INPP4B: variants seen among roughly 807,000 people sequenced by gnomAD.
INPP4B encodes the protein inositol polyphosphate-4-phosphatase type II B, also known as inositol polyphosphate 4-phosphatase type II.
In INPP4B, 55 loss-of-function variants were observed where a neutral mutation model predicts 122.5. The observed-to-expected ratio is 0.45, with a 90% CI of 0.36 to 0.56. INPP4B has a LOEUF of 0.56. Among genes scored for constraint, INPP4B ranks in the 20% least tolerant of loss-of-function variants. INPP4B has a pLI of 0.00. For synonymous variants in INPP4B, 403 were observed against 388.7 expected (o/e 1.04, Z -0.43); for missense variants, 1,000 against 1,097.7 (o/e 0.91, Z 1.26).
At chr4:142,631,253 T>C (rs1747886566) in intron 2 of INPP4B, among the ~76,000 whole-genome samples, 1 of 151,972 alleles carries the variant, frequency 6.6e-6, no homozygotes, top group Non-Finnish European at 1.5e-5. Flanking sequence ...CCATAAGAAA[T>C]GGTGACACGA....
At chr4:142,086,549 T>A (rs1228836490) in intron 23 of INPP4B, among the ~76,000 whole-genome samples, 1 of 152,142 alleles carries the variant, frequency 6.6e-6, no homozygotes, top group East Asian at 1.9e-4. Context: ...AGACAGGGTT[T>A]GGCCATTGTC....
chr4:142,661,723 G>T (rs1232788348), intron 2 of INPP4B, among the ~76,000 whole-genome samples: 1 of 152,146 alleles, frequency 6.6e-6, no homozygotes, highest in Non-Finnish European at 1.5e-5. Context: ...CAGATATAGT[G>T]CACTACAGCT....
rs1241518642 is a variant in INPP4B at position 142,027,935 on chromosome 4, T to C, written c.*847A>G. ...TGACTGCTAAGAAACATCTCAGAGA[T>C]ACCTCACTGACATTCATGAACTTCA... On this transcript the variant is annotated 3_prime_UTR_variant, in exon 26 of 26. Coordinates refer to ENST00000262992, the MANE Select transcript of INPP4B (RefSeq NM_001101669.3). The C allele has an allele frequency of 1.1e-5, 2 of 185,192 alleles. No homozygotes were observed. Among genetic ancestry groups the C allele is most frequent in the Admixed American group, 6.2e-5 (1 of 16,034 alleles). 11.5% of individuals were successfully genotyped at this position (185,192 alleles called of 1,614,324 possible). A position where few individuals can be genotyped will look rare whatever the true frequency, so the allele number is the denominator to read the frequency against.
At chr4:142,132,993 C>T (rs1802075716) in intron 18 of INPP4B, among the ~76,000 whole-genome samples, 1 of 152,178 alleles carries the variant, frequency 6.6e-6, no homozygotes, top group African/African-American at 2.4e-5. Flanking sequence ...ATCCGTACTG[C>T]TAAATCCAAA....
intron 5 of INPP4B, among the ~76,000 whole-genome samples, chr4:142,411,081 A>C (rs1804504080): frequency 6.6e-6 from 1 of 152,212 alleles, no homozygotes; most frequent in African/African-American, 2.4e-5. Context: ...GCTTTCTGTG[A>C]AATCAGATGT....
chr4:142,271,562 C>G (rs1385076514), intron 9 of INPP4B, among the ~76,000 whole-genome samples: 1 of 152,188 alleles, frequency 6.6e-6, no homozygotes, highest in Non-Finnish European at 1.5e-5. Flanking sequence ...TGCCTTTTCT[C>G]TAACATTTTT....
At chr4:142,157,594 C>T (rs1313753598) in intron 17 of INPP4B, among the ~76,000 whole-genome samples, 1 of 152,072 alleles carries the variant, frequency 6.6e-6, no homozygotes, top group East Asian at 1.9e-4. Context: ...ATTGCCCAAT[C>T]CTTTTGCCTT....
At chr4:142,625,261 G>C (rs931443356) in intron 2 of INPP4B, among the ~76,000 whole-genome samples, 3 of 152,020 alleles carry the variant, frequency 2.0e-5, no homozygotes, top group African/African-American at 7.2e-5. Context: ...ATCTCCTTAA[G>C]CTGATAAGCA....
At chr4:142,661,771 T>C (rs1017527) in intron 2 of INPP4B, among the ~76,000 whole-genome samples, 130,233 of 152,234 alleles carry the variant, frequency 0.86, 55,769 homozygotes, top group African/African-American at 0.9. Context: ...TTTTCTTCAC[T>C]TTAAGTTACA....
intron 1 of INPP4B, among the ~76,000 whole-genome samples, chr4:142,830,411 CTA>C (rs1172110873): frequency 1.3e-5 from 2 of 152,014 alleles, no homozygotes; most frequent in African/African-American, 4.8e-5. Context: ...AGAGTCCAGA[CTA>C]TAATGAAATG....
chr4:142,160,256 T>A, intron 17 of INPP4B, 102 bp downstream of exon 17: 7 of 861,738 alleles, frequency 8.1e-6, no homozygotes, highest in South Asian at 4.1e-5. Flanking sequence ...GTGTTATAAC[T>A]TTTTTTCCAT....
In INPP4B at chr4:142,032,661, C is replaced by T. The variant is rs761948813; in HGVS notation, c.2643-3747G>A. Among the ~76,000 whole-genome samples the T allele has an allele frequency of 4.6e-5, 7 of 152,156 alleles. No homozygotes were observed. The South Asian group carries it at 6.2e-4, about 14-fold the overall frequency. On this transcript the variant is annotated intron_variant, in intron 25 of 25. Coordinates refer to ENST00000262992, the MANE Select transcript of INPP4B (RefSeq NM_001101669.3). ...AGCACAGACTCCGGAGTCAGACCAGCTGTTTCAAGCTTGGTTCTGCCACTT... is the reference window on the plus strand; with the variant it reads ...AGCACAGACTCCGGAGTCAGACCAGTTGTTTCAAGCTTGGTTCTGCCACTT...
chr4:142,665,220 C>T (rs543895313), intron 2 of INPP4B, among the ~76,000 whole-genome samples: 4 of 152,278 alleles, frequency 2.6e-5, no homozygotes, highest in Admixed American at 6.5e-5. Context: ...CGGCCAGGCA[C>T]GGTGGCTCAC....
At chr4:142,312,078 T>C (rs748842926) in intron 8 of INPP4B, among the ~76,000 whole-genome samples, 7 of 152,234 alleles carry the variant, frequency 4.6e-5, no homozygotes, top group Non-Finnish European at 7.3e-5. Context: ...AATAGGCATG[T>C]CACAGGATAC....
At chr4:142,350,134 T>C (rs1229051940) in intron 7 of INPP4B, among the ~76,000 whole-genome samples, 5 of 152,012 alleles carry the variant, frequency 3.3e-5, no homozygotes. Flanking sequence ...ACTTGAATTG[T>C]ATGTTGCTTT....
At chr4:142,082,565 C>CAAA (rs1774504403) in intron 24 of INPP4B, among the ~76,000 whole-genome samples, 2 of 152,230 alleles carry the variant, frequency 1.3e-5, no homozygotes, top group East Asian at 1.9e-4. Context: ...AAACAAACAA[C>CAAA]CAACCAAAAA....
chr4:142,799,140 A>G (rs114831478), intron 1 of INPP4B, among the ~76,000 whole-genome samples: 82 of 152,038 alleles, frequency 5.4e-4, no homozygotes, highest in Non-Finnish European at 6.5e-4. Context: ...GGAATTCTTA[A>G]ATTCAATCTC....
At position 142,028,870 on chromosome 4, in the gene INPP4B, C is replaced by T. The variant is rs745719080; in HGVS notation, c.2687G>A (p.Arg896Lys). 1.5e-5 allele frequency: 25 copies of T among 1,613,436 alleles called. No individual in the cohort carries two copies. Among genetic ancestry groups the T allele is most frequent in the Admixed American group, 3.3e-5 (2 of 59,952 alleles). ...IENVLKNIKC[R>K]KYAFNMLQLM... is the part of the protein sequence containing the mutation. ...CTGTAGCATGTTGAAAGCATACTTT[C>T]TGCATTTGATATTCTTCAGTACATT... The change falls in exon 26 of 26, where the codon AGA becomes AAA. Residue 896 changes from arginine to lysine, a missense_variant. By Grantham distance (26) the Arg-to-Lys change is conservative. Coordinates refer to ENST00000262992, the MANE Select transcript of INPP4B (RefSeq NM_001101669.3).
intron 1 of INPP4B, among the ~76,000 whole-genome samples, chr4:142,750,996 G>C (rs1395767409): frequency 6.6e-6 from 1 of 151,978 alleles, no homozygotes; most frequent in Non-Finnish European, 1.5e-5. Flanking sequence ...AATTCATACA[G>C]TATGCAAAAG....
Sources: allele counts gnomAD v4.1 joint callset (sites outside exome capture counted in the v4.1 genomes callset), GRCh38; gene constraint gnomAD v4.1.1; transcripts MANE v1.5; gene names NCBI Gene and HGNC (gene_info 2026-07-23, HGNC 2026-07-21).